CD6: variants seen among roughly 807,000 people sequenced by gnomAD.
The protein encoded by CD6 is CD6 molecule, also known as T-cell differentiation antigen CD6.
A neutral mutation model predicts 75.3 loss-of-function variants in CD6; 53 were observed. The observed-to-expected ratio is 0.70, with a 90% confidence interval of 0.56 to 0.88. CD6 has a LOEUF of 0.88. Among genes scored for constraint, CD6 ranks in the 40% least tolerant of loss-of-function variants. The pLI is 0.00. For missense variants in CD6, 770 were observed against 897.1 expected (o/e 0.86, Z 1.81); for synonymous variants, 359 against 381.5 (o/e 0.94, Z 0.69).
At chr11:60,972,062 T>C in intron 1 of CD6, 148 bp downstream of exon 1, 1 of 821,128 alleles carries the variant, frequency 1.2e-6, no homozygotes, top group Non-Finnish European at 2.0e-6. Flanking sequence ...GTCCAGCATC[T>C]GGGGCTAGGA....
Position 61,009,597 on chromosome 11 carries a change from G to A in CD6, c.807G>A (p.Gly269=). The A allele has an allele frequency of 6.2e-7, 1 of 1,609,978 alleles. No individual in the cohort carries two copies. Among genetic ancestry groups the A allele is most frequent in the Middle Eastern group, 1.8e-4 (1 of 5,480 alleles). The change falls in exon 5 of 13, where the codon GGG becomes GGA. Residue 269 remains glycine, a synonymous_variant. Transcript: ENST00000313421. ...AGCACCAGTCCTGGCGCCTGACAGG[G>A]GGCGCTGACCGCTGCGAGGGGCAGG... The part of the protein sequence containing the change: ...CSEHQSWRLT[G]GADRCEGQVE...
chr11:61,013,354 A>G (rs1341970543), intron 6 of CD6, 69 bp from the exon 7 acceptor site: 4 of 1,559,030 alleles, frequency 2.6e-6, no homozygotes, highest in Non-Finnish European at 3.5e-6. Context: ...CTTTACAGAG[A>G]ATGGAAAGGC....
chr11:61,008,498 G>A (rs990131561), intron 3 of CD6, 36 bp from the exon 4 acceptor site: 4 of 1,521,060 alleles, frequency 2.6e-6, no homozygotes, highest in Non-Finnish European at 2.7e-6. Context: ...TTCCTGGTCG[G>A]GTGCCCCAGC....
chr11:61,010,256 A>G (rs541143349), intron 5 of CD6, among the ~76,000 whole-genome samples: 1 of 152,302 alleles, frequency 6.6e-6, no homozygotes, highest in Non-Finnish European at 1.5e-5. Flanking sequence ...TATGCTAGGC[A>G]TTGTTAAGCA....
At chr11:60,988,632 G>A (rs959271493) in intron 1 of CD6, among the ~76,000 whole-genome samples, 1 of 152,196 alleles carries the variant, frequency 6.6e-6, no homozygotes, top group Non-Finnish European at 1.5e-5. Flanking sequence ...CTGCTCTGGA[G>A]AGGCTGTGTT....
At chr11:61,001,276 T>G (rs1005772117) in intron 1 of CD6, among the ~76,000 whole-genome samples, 2 of 143,962 alleles carry the variant, frequency 1.4e-5, no homozygotes, top group Non-Finnish European at 3.0e-5. Context: ...TGATCTCAGC[T>G]CACTGCAACC....
chr11:60,982,755 A>G (rs945698838), intron 1 of CD6: 2 of 455,922 alleles, frequency 4.4e-6, no homozygotes, highest in Non-Finnish European at 8.8e-6. Flanking sequence ...CCTGTTTGTC[A>G]GAGGAGGAAA....
chr11:60,998,027 C>T (rs1044357338), intron 1 of CD6, among the ~76,000 whole-genome samples: 4 of 152,132 alleles, frequency 2.6e-5, no homozygotes, highest in African/African-American at 4.8e-5. Flanking sequence ...GGCCCACTTC[C>T]GTGATGATAA....
intron 1 of CD6, among the ~76,000 whole-genome samples, chr11:60,996,361 C>G (rs1858293905): frequency 1.3e-5 from 2 of 152,184 alleles, no homozygotes; most frequent in African/African-American, 4.8e-5. Context: ...TAAGTAGCTG[C>G]TCCCATCAGT....
At chr11:60,994,777 C>T (rs150757410) in intron 1 of CD6, among the ~76,000 whole-genome samples, 7 of 152,184 alleles carry the variant, frequency 4.6e-5, no homozygotes, top group African/African-American at 4.8e-5. Flanking sequence ...ACTTGTTCCA[C>T]GTGCTAGGAA....
chr11:61,002,482 AG>A (rs1228027466), intron 1 of CD6, among the ~76,000 whole-genome samples: 1 of 152,034 alleles, frequency 6.6e-6, no homozygotes, highest in Non-Finnish European at 1.5e-5. Flanking sequence ...GCTTGAACCC[AG>A]GAGGTGAAGG....
intron 5 of CD6, among the ~76,000 whole-genome samples, chr11:61,010,702 C>T (rs1469772122): frequency 6.6e-6 from 1 of 152,170 alleles, no homozygotes; most frequent in Non-Finnish European, 1.5e-5. Context: ...ACCTGCCCAA[C>T]GGGAATGCCG....
At chr11:61,015,213 A>G (rs532512587) in intron 8 of CD6, among the ~76,000 whole-genome samples, 3 of 152,354 alleles carry the variant, frequency 2.0e-5, no homozygotes, top group African/African-American at 7.2e-5. Flanking sequence ...ATAAATGTTT[A>G]GTTCTCCATA....
At chr11:61,003,689 G>A (rs1858709669) in intron 1 of CD6, among the ~76,000 whole-genome samples, 1 of 152,184 alleles carries the variant, frequency 6.6e-6, no homozygotes, top group African/African-American at 2.4e-5. Context: ...AGCCGAGATT[G>A]TGCCACTGCA....
Position 61,018,293 on chromosome 11 carries a change from G to T in CD6, c.1842G>T (p.Gly614=), listed in dbSNP as rs1199989164. The T allele has an allele frequency of 1.3e-6, 2 of 1,597,916 alleles. No homozygotes were observed. Among genetic ancestry groups the T allele is most frequent in the Non-Finnish European group, 1.7e-6 (2 of 1,172,414 alleles). ...ACTGGTTCTGGGGGTTTCCAGCAGG[G>T]CCCCCGGCTGATGACAGCTCCAGCA... ...LAGTQPAFSA[G]PPADDSSSTS... is the part of the protein sequence containing the mutation. The change falls in exon 12 of 13, where the codon GGG becomes GGT. Residue 614 remains glycine (G), a synonymous_variant. Coordinates refer to ENST00000313421, the MANE Select transcript of CD6 (RefSeq NM_006725.5).
chr11:60,995,341 C>T (rs1382374486), intron 1 of CD6, among the ~76,000 whole-genome samples: 3 of 151,996 alleles, frequency 2.0e-5, no homozygotes, highest in South Asian at 2.1e-4. Context: ...GGCTGGATTT[C>T]GCCATGTTGG....
intron 1 of CD6, among the ~76,000 whole-genome samples, chr11:60,975,149 T>C (rs1442075035): frequency 1.3e-5 from 2 of 152,194 alleles, no homozygotes; most frequent in African/African-American, 2.4e-5. Context: ...AGCCCTGTAA[T>C]TTTGATTAAT....
At chr11:60,988,892 C>G (rs1857938033) in intron 1 of CD6, among the ~76,000 whole-genome samples, 2 of 152,322 alleles carry the variant, frequency 1.3e-5, no homozygotes, top group Admixed American at 6.5e-5. Flanking sequence ...TCGCTGAGAG[C>G]TCAGCAGTTT....
chr11:60,975,683 C>G (rs1215303847), intron 1 of CD6, among the ~76,000 whole-genome samples: 1 of 152,044 alleles, frequency 6.6e-6, no homozygotes, highest in Non-Finnish European at 1.5e-5. Flanking sequence ...GCCTGTTGTC[C>G]CAGCTACTCG....
Sources: allele counts gnomAD v4.1 joint callset (sites outside exome capture counted in the v4.1 genomes callset), GRCh38; gene constraint gnomAD v4.1.1; transcripts MANE v1.5; gene names NCBI Gene and HGNC (gene_info 2026-07-23, HGNC 2026-07-21).